The following CD8B variants were observed in gnomAD, a reference collection of about 807,000 sequenced individuals.
CD8B encodes T-cell surface glycoprotein CD8 beta chain.
In CD8B, 6 loss-of-function variants were observed where a neutral mutation model predicts 24.2. That is an observed-to-expected ratio of 0.25 (90% CI 0.14 to 0.49). CD8B has a LOEUF of 0.49. Among genes scored for constraint, CD8B ranks in the 20% least tolerant of loss-of-function variants. The pLI is 0.98. For missense variants in CD8B, 196 were observed against 271.3 expected, an observed-to-expected ratio of 0.72 and a Z score of 1.95; for synonymous variants, 84 against 108.3, an observed-to-expected ratio of 0.78 and a Z score of 1.39.
downstream of CD8B, among the ~76,000 whole-genome samples, chr2:86,834,492 G>A (rs1397876355): frequency 3.9e-5 from 4 of 102,540 alleles, no homozygotes; most frequent in African/African-American, 1.4e-4. Flanking sequence ...ACACACAAAA[G>A]TCTTAACTGA....
chr2:86,840,261 T>A lies in CD8B; in HGVS notation c.*2046A>T. On this transcript the variant is annotated 3_prime_UTR_variant, in exon 6 of 6. Transcript: ENST00000390655. ...GGGGGCAGGGAATCTGAGGCCAATT[T>A]GTGCTGACTTCTCAAAGCTGGAGCA... Among the ~76,000 whole-genome samples the A allele has an allele frequency of 6.6e-6, 1 of 151,472 alleles. No homozygotes were observed. Among genetic ancestry groups the A allele is most frequent in the Non-Finnish European group, 1.5e-5 (1 of 67,954 alleles).
downstream of CD8B, among the ~76,000 whole-genome samples, chr2:86,837,728 C>A: frequency 6.8e-6 from 1 of 146,210 alleles, no homozygotes; most frequent in African/African-American, 2.6e-5. Flanking sequence ...TGTAGGACCC[C>A]CCTTCTTCTT....
At chr2:86,860,841 C>T (rs1676544018) in intron 1 of CD8B, among the ~76,000 whole-genome samples, 1 of 152,164 alleles carries the variant, frequency 6.6e-6, no homozygotes, top group South Asian at 2.1e-4. Flanking sequence ...CACCCCGGCT[C>T]TTCCCGGGGC....
chr2:86,833,075 C>A, intron 5 of CD8B: 1 of 352,694 alleles, frequency 2.8e-6, no homozygotes, highest in South Asian at 2.2e-5. Context: ...GGCACAGGAA[C>A]ACAGCTACAG....
intron 5 of CD8B, chr2:86,843,544 G>A (rs895544063): frequency 3.1e-6 from 3 of 982,502 alleles, no homozygotes; most frequent in Non-Finnish European, 3.6e-6. Context: ...AAATCCAGCA[G>A]GCATGTTTAA....
chr2:86,858,408 C>T lies in CD8B; in HGVS notation c.52G>A (p.Gly18Ser), dbSNP rs1229601797. 1 of 1,586,774 alleles carries T rather than the reference C, an allele frequency of 6.3e-7. No homozygotes were observed. The highest frequency in any genetic ancestry group is 1.7e-5 in the Admixed American group (1 of 58,356). Residue 18 changes from glycine to serine, a missense_variant, in exon 2 of 6, where the codon GGC becomes AGC. Coordinates refer to ENST00000390655, the MANE Select transcript of CD8B (RefSeq NM_004931.5). ...GGGGTCTGCTGGAGGACTGAGTTGCCATGGAGAACTAGGAAAAGCCAAGAA... is the reference window on the plus strand; with the variant it reads ...GGGGTCTGCTGGAGGACTGAGTTGCTATGGAGAACTAGGAAAAGCCAAGAA... ...LLAAQLTVLH[G>S]NSVLQQTPAY...
At chr2:86,846,254 A>T (rs573405954) in intron 4 of CD8B, among the ~76,000 whole-genome samples, 48 of 152,322 alleles carry the variant, frequency 3.2e-4, no homozygotes, top group Non-Finnish European at 5.9e-4. Flanking sequence ...CTAGGAACAC[A>T]ACACAAACCC....
At chr2:86,823,924 G>C (rs895883287) in intron 5 of CD8B, among the ~76,000 whole-genome samples, 2 of 152,078 alleles carry the variant, frequency 1.3e-5, no homozygotes, top group African/African-American at 4.8e-5. Context: ...CTGAGGAGGA[G>C]CCCTGGGGGG....
intron 2 of CD8B, 66 bp from the exon 3 acceptor site, chr2:86,853,152 T>C (rs1676059775): frequency 6.5e-7 from 1 of 1,548,330 alleles, no homozygotes; most frequent in Admixed American, 2.0e-5. Flanking sequence ...AAGACAAAAC[T>C]TTGTCTTATG....
chr2:86,853,500 T>A (rs1676077557), intron 2 of CD8B, among the ~76,000 whole-genome samples: 2 of 151,932 alleles, frequency 1.3e-5, no homozygotes, highest in South Asian at 4.2e-4. Context: ...ACTGAAGTCC[T>A]TATGACTGTT....
intron 5 of CD8B, among the ~76,000 whole-genome samples, chr2:86,826,824 GTTTTTT>G (rs67145087): frequency 7.0e-6 from 1 of 143,280 alleles, no homozygotes. Context: ...TGAATTTCTT[GTTTTTT>G]TTTTTTTTTG....
chr2:86,833,192 TGTC>T (rs1356994938), downstream of CD8B, among the ~76,000 whole-genome samples: 3 of 150,448 alleles, frequency 2.0e-5, no homozygotes, highest in Admixed American at 1.4e-4. Flanking sequence ...CAAGTTAATC[TGTC>T]TTTTTTTTTT....
intron 5 of CD8B, among the ~76,000 whole-genome samples, chr2:86,825,102 G>A (rs1466011769): frequency 2.6e-5 from 4 of 152,184 alleles, no homozygotes; most frequent in African/African-American, 9.7e-5. Context: ...TCTGGCACAT[G>A]AGGAGGCTGG....
intron 3 of CD8B, 110 bp downstream of exon 3, chr2:86,852,887 G>A (rs760172306): frequency 2.1e-6 from 3 of 1,449,022 alleles, no homozygotes; most frequent in Non-Finnish European, 1.9e-6. Flanking sequence ...CGGGGAGATA[G>A]GCTCTAGAGT....
chr2:86,830,836 C>T (rs769253507), intron 5 of CD8B, among the ~76,000 whole-genome samples: 14 of 151,946 alleles, frequency 9.2e-5, no homozygotes, highest in Non-Finnish European at 1.2e-4. Context: ...AAAATGCATT[C>T]CTTTTGTTTA....
intron 5 of CD8B, among the ~76,000 whole-genome samples, chr2:86,825,739 C>T (rs376497533): frequency 6.6e-6 from 1 of 152,182 alleles, no homozygotes; most frequent in Non-Finnish European, 1.5e-5. Flanking sequence ...ACCCGTTCTT[C>T]GCTGCCACCT....
chr2:86,838,312 T>C lies in CD8B; in HGVS notation c.*3995A>G, dbSNP rs1334815019. ...AGCTGAAAGTAAATCCTTACAGACC[T>C]TTTCCTGTACATATACAAACAAATA... is the stretch of plus-strand genomic sequence containing the variant. On this transcript the variant is annotated 3_prime_UTR_variant, in exon 6 of 6. Transcript: ENST00000390655. Among the ~76,000 whole-genome samples the C allele has an allele frequency of 2.6e-5, 4 of 152,198 alleles. No homozygotes were observed. The highest frequency in any genetic ancestry group is 5.9e-5 in the Non-Finnish European group (4 of 68,034).
chr2:86,861,025 A>G (rs1482361854), intron 1 of CD8B, among the ~76,000 whole-genome samples: 1 of 152,214 alleles, frequency 6.6e-6, no homozygotes, highest in African/African-American at 2.4e-5. Context: ...AGTGCTCTGA[A>G]CGGCCTGGGC....
At chr2:86,854,273 C>T (rs930104329) in intron 2 of CD8B, among the ~76,000 whole-genome samples, 3 of 152,134 alleles carry the variant, frequency 2.0e-5, no homozygotes, top group African/African-American at 7.2e-5. Flanking sequence ...CGAGCCCCTC[C>T]GCCCAACTCG....
Sources: gnomAD v4.1 joint callset for allele counts (sites outside exome capture counted in the v4.1 genomes callset) on GRCh38, gnomAD v4.1.1 for gene constraint, MANE v1.5 for transcripts, NCBI Gene and HGNC (gene_info 2026-07-23, HGNC 2026-07-21) for gene names.